Variants in RAB35 observed in about 807,000 individuals in gnomAD.
RAB35 encodes the protein ras-related protein Rab-35.
RAB35 carries 4 observed loss-of-function variants against 28.9 expected under a neutral mutation model. That is an observed-to-expected ratio of 0.14 (90% CI 0.07 to 0.32). The LOEUF (loss-of-function observed/expected upper bound fraction) is 0.32. Among genes scored for constraint, RAB35 ranks in the 10% least tolerant of loss-of-function variants. The probability of loss-of-function intolerance (pLI) is 1.00; values close to 1 mark genes in which losing one functional copy is unlikely to be tolerated. For synonymous variants in RAB35, 99 were observed against 105.1 expected (o/e 0.94, Z 0.35); for missense variants, 128 against 274.0 (o/e 0.47, Z 3.76).
At position 120,097,492 on chromosome 12, in the gene RAB35, T is replaced by C. The variant is rs528431809; in HGVS notation, c.478-119A>G. 3.6e-5 allele frequency: 27 copies of C among 743,634 alleles called. No individual in the cohort carries two copies. The South Asian group carries it at 4.1e-4, about 11-fold the overall frequency. The allele number at this position is 743,634 out of a possible 1,614,324, so 46.1% of individuals were successfully genotyped here. ...TCTTTCTACCTGTGCATTTTTGGTA[T>C]GTATGTCTTCAAAGCCTATTCTAGA... On this transcript the variant is annotated intron_variant, in intron 5 of 5. Coordinates refer to ENST00000229340, the MANE Select transcript of RAB35 (RefSeq NM_006861.7).
chr12:120,111,478 G>A (rs55657640), intron 1 of RAB35, among the ~76,000 whole-genome samples: 39 of 152,186 alleles, frequency 2.6e-4, no homozygotes, highest in Non-Finnish European at 4.4e-4. Context: ...TCAAGAGATC[G>A]AGACCATCCT....
rs1393141711 is a variant in RAB35, at chr12:120,096,274, G to A, written c.*971C>T. 2 of 515,166 alleles carry A rather than the reference G, an allele frequency of 3.9e-6. No homozygotes were observed. The highest frequency in any genetic ancestry group is 2.0e-5 in the South Asian group (1 of 49,940). The allele number at this position is 515,166 out of a possible 1,614,324, so 31.9% of individuals were successfully genotyped here. ...CAAGAGTCCAGCCCCACAATGGCAG[G>A]AAGCCATTCATTTTTTTCTAAAAAC... On this transcript the variant is annotated 3_prime_UTR_variant, in exon 6 of 6. Transcript: ENST00000229340.
chr12:120,116,182 A>G (rs1049473298), intron 1 of RAB35, among the ~76,000 whole-genome samples: 7 of 152,098 alleles, frequency 4.6e-5, no homozygotes, highest in African/African-American at 1.7e-4. Context: ...TTCCTACTTT[A>G]TCCCATCGAA....
intron 1 of RAB35, among the ~76,000 whole-genome samples, chr12:120,109,880 A>G (rs1247189476): frequency 6.6e-6 from 1 of 152,106 alleles, no homozygotes; most frequent in African/African-American, 2.4e-5. Context: ...TCCTGTCCCC[A>G]ATCTCCAACA....
chr12:120,101,592 C>G (rs1040081624), intron 3 of RAB35, among the ~76,000 whole-genome samples: 13 of 152,262 alleles, frequency 8.5e-5, no homozygotes, highest in African/African-American at 2.4e-4. Flanking sequence ...CCTCACCTCC[C>G]CAAAACTCCT....
chr12:120,105,601 C>T (rs1012317476), intron 2 of RAB35, among the ~76,000 whole-genome samples: 13 of 152,060 alleles, frequency 8.5e-5, no homozygotes, highest in Admixed American at 2.6e-4. Context: ...CAACATCCTT[C>T]GACACGCAGG....
intron 2 of RAB35, among the ~76,000 whole-genome samples, chr12:120,105,947 G>T (rs866368178): frequency 4.0e-4 from 61 of 151,218 alleles, no homozygotes; most frequent in African/African-American, 1.4e-3. Flanking sequence ...AAAATCACAG[G>T]GCCCAAAGGG....
intron 1 of RAB35, among the ~76,000 whole-genome samples, chr12:120,115,263 A>T (rs1376582991): frequency 6.6e-6 from 1 of 151,836 alleles, no homozygotes; most frequent in Non-Finnish European, 1.5e-5. Context: ...GGCCAAAACC[A>T]CCCACTTCCC....
At chr12:120,099,727 G>C (rs1466101004) in intron 3 of RAB35, among the ~76,000 whole-genome samples, 1 of 152,120 alleles carries the variant, frequency 6.6e-6, no homozygotes, top group Non-Finnish European at 1.5e-5. Flanking sequence ...GGGATGGCTG[G>C]GGAGAGGGCG....
chr12:120,110,047 G>A (rs1289029961), intron 1 of RAB35, among the ~76,000 whole-genome samples: 1 of 152,136 alleles, frequency 6.6e-6, no homozygotes, highest in Non-Finnish European at 1.5e-5. Flanking sequence ...GTGCCTCTGT[G>A]AGCAGCAGTA....
chr12:120,114,008 C>T (rs565516955), intron 1 of RAB35, among the ~76,000 whole-genome samples: 4 of 152,176 alleles, frequency 2.6e-5, no homozygotes, highest in Non-Finnish European at 5.9e-5. Flanking sequence ...TGCTCGCACA[C>T]GTATTAGCAC....
chr12:120,102,366 C>G (rs1005611997), intron 3 of RAB35, among the ~76,000 whole-genome samples: 4 of 152,228 alleles, frequency 2.6e-5, no homozygotes, highest in African/African-American at 7.2e-5. Context: ...CTGCCCAAAG[C>G]ACTGATGCCA....
In RAB35 at chr12:120,103,527, G is replaced by C. The variant is rs1875744094; in HGVS notation, c.227+299C>G. Among the ~76,000 whole-genome samples the C allele has an allele frequency of 6.6e-6, 1 of 152,240 alleles. No homozygotes were observed. Among genetic ancestry groups the C allele is most frequent in the African/African-American group, 2.4e-5 (1 of 41,460 alleles). On this transcript the variant is annotated intron_variant, in intron 3 of 5. Coordinates refer to ENST00000229340, the MANE Select transcript of RAB35 (RefSeq NM_006861.7). This position sits in a 1 kb window ranked among gnomAD's most constrained non-coding sequence, Gnocchi z 6.1. Reference sequence around the variant, plus strand: ...AGGCAAATGCTATTCTGCTCTCTCTGTAAGGTGACGGCACAGTGGGCCGGA... The same window carrying C: ...AGGCAAATGCTATTCTGCTCTCTCTCTAAGGTGACGGCACAGTGGGCCGGA...
rs1206755345 is a variant in RAB35, at chr12:120,097,221, G to A, written c.*24C>T. 1.2e-6 allele frequency: 2 copies of A among 1,614,184 alleles called. No homozygotes were observed. The highest frequency in any genetic ancestry group is 1.7e-6 in the Non-Finnish European group (2 of 1,180,046). ...GGGCTGGGGGAGGGACCGCAGTGCA[G>A]TCTCTGCAGTGGACTGGGTGCCATT... is the stretch of plus-strand genomic sequence containing the variant. On this transcript the variant is annotated 3_prime_UTR_variant, in exon 6 of 6. Coordinates refer to ENST00000229340, the MANE Select transcript of RAB35 (RefSeq NM_006861.7).
intron 2 of RAB35, among the ~76,000 whole-genome samples, 156 bp downstream of exon 2, chr12:120,108,261 A>T (rs1423024478): frequency 6.6e-6 from 1 of 152,178 alleles, no homozygotes; most frequent in Non-Finnish European, 1.5e-5. Context: ...AAGCGCCACA[A>T]GGTCCTAAGC....
intron 1 of RAB35, 110 bp downstream of exon 1, chr12:120,116,485 CCCCG>C (rs894079938): frequency 4.1e-5 from 26 of 640,744 alleles, no homozygotes; most frequent in Non-Finnish European, 4.8e-5. Flanking sequence ...CGCCGGGCTG[CCCCG>C]CCCGCCCGCC....
At chr12:120,112,948 T>C (rs11611359) in intron 1 of RAB35, among the ~76,000 whole-genome samples, 1 of 150,914 alleles carries the variant, frequency 6.6e-6, no homozygotes, top group Admixed American at 6.6e-5. Context: ...TGGAGTACAG[T>C]GGCACGATCT....
Position 120,106,988 on chromosome 12 carries a change from AT to A in RAB35, c.103+1428del, listed in dbSNP as rs953196208. On this transcript the variant is annotated intron_variant, in intron 2 of 5. Coordinates refer to ENST00000229340, the MANE Select transcript of RAB35 (RefSeq NM_006861.7). ...ACCCAAAGCATCTGTAATGAACCTG[AT>A]TTTTTTTGTTGTTTTTTGAGATGGA... Among the ~76,000 whole-genome samples, 13 of 150,516 alleles carry A rather than the reference AT, an allele frequency of 8.6e-5. No homozygotes were observed. The East Asian group carries it at 1.0e-3, about 12-fold the overall frequency.
intron 1 of RAB35, among the ~76,000 whole-genome samples, chr12:120,114,764 G>A (rs549951702): frequency 5.1e-4 from 78 of 152,306 alleles, no homozygotes; most frequent in African/African-American, 1.7e-3. Flanking sequence ...GAGAAAGCGG[G>A]CCAAACCCAT....
Sources: gnomAD v4.1 joint callset for allele counts (sites outside exome capture counted in the v4.1 genomes callset) on GRCh38, gnomAD v4.1.1 for gene constraint, Gnocchi (gnomAD v3.1) non-coding constraint, MANE v1.5 for transcripts, NCBI Gene and HGNC (gene_info 2026-07-23, HGNC 2026-07-21) for gene names.